TPRG1: variants seen among roughly 807,000 people sequenced by gnomAD.
TPRG1 encodes the protein tumor protein p63 regulated 1.
A neutral mutation model predicts 29.3 loss-of-function variants in TPRG1; 29 were observed. That is an observed-to-expected ratio of 0.99 (90% confidence interval 0.74 to 1.35). The LOEUF is 1.35. Among genes scored for constraint, TPRG1 ranks in the 40% most tolerant of loss-of-function variants. The pLI, the probability that TPRG1 is intolerant of heterozygous loss-of-function variation, is 0.00. For missense variants in TPRG1, 327 were observed against 335.0 expected, an observed-to-expected ratio of 0.98 and a Z score of 0.19; for synonymous variants, 130 against 116.8, an observed-to-expected ratio of 1.11 and a Z score of -0.73.
At chr3:189,023,253 C>A in intron 3 of TPRG1, among the ~76,000 whole-genome samples, 1 of 152,298 alleles carries the variant, frequency 6.6e-6, no homozygotes, top group East Asian at 1.9e-4. Flanking sequence ...GGCTCCTCCC[C>A]GAGCTCTGAG....
rs569930167 is a variant in TPRG1, at chr3:189,053,237, T to A, written c.-463+29291T>A. On this transcript the variant is annotated intron_variant, in intron 4 of 10. Transcript: ENST00000433971. ...TCTTTAAACCTCATGAACCAACTTA[T>A]ACTAGCTTCCAACTTTTCTTCTGCA... Among the ~76,000 whole-genome samples, 37 of 152,314 alleles carry A rather than the reference T, an allele frequency of 2.4e-4. 3 individuals are homozygous for A. The South Asian group carries it at 7.7e-3, about 32-fold the overall frequency.
At chr3:189,175,752 A>T (rs1459383579) in intron 1 of TPRG1, among the ~76,000 whole-genome samples, 2 of 152,252 alleles carry the variant, frequency 1.3e-5, no homozygotes, top group Non-Finnish European at 2.9e-5. Context: ...AAATATTTTT[A>T]AAATATGTTA....
At chr3:189,159,974 C>T (rs980180393) in intron 5 of TPRG1, among the ~76,000 whole-genome samples, 64 of 151,830 alleles carry the variant, frequency 4.2e-4, no homozygotes, top group Non-Finnish European at 2.1e-4. Context: ...CAGAGATTGT[C>T]ACTCTATGAT....
At chr3:189,238,238 G>A (rs1739857635) in intron 3 of TPRG1, among the ~76,000 whole-genome samples, 1 of 152,246 alleles carries the variant, frequency 6.6e-6, no homozygotes, top group Admixed American at 6.5e-5. Context: ...TTGGAAGACA[G>A]CGGACCTGTG....
chr3:189,149,033 C>T (rs1184886100), intron 4 of TPRG1, among the ~76,000 whole-genome samples: 1 of 152,214 alleles, frequency 6.6e-6, no homozygotes, highest in Non-Finnish European at 1.5e-5. Flanking sequence ...CCAGCTTCGT[C>T]CTATCCCTCC....
chr3:189,021,476 C>T (rs1396415458), intron 3 of TPRG1, among the ~76,000 whole-genome samples: 3 of 151,994 alleles, frequency 2.0e-5, no homozygotes, highest in Non-Finnish European at 4.4e-5. Context: ...GATTTTATTT[C>T]TCCTTCACTT....
intron 3 of TPRG1, among the ~76,000 whole-genome samples, chr3:189,010,742 T>C (rs910739102): frequency 1.3e-5 from 2 of 152,200 alleles, no homozygotes; most frequent in Non-Finnish European, 2.9e-5. Flanking sequence ...GTTTACTCTG[T>C]TGACAATTTC....
intron 1 of TPRG1, among the ~76,000 whole-genome samples, chr3:189,104,223 C>G (rs1199683099): frequency 6.6e-6 from 1 of 151,970 alleles, no homozygotes. Context: ...AGAAATTAAC[C>G]TCTTTGAGCC....
At chr3:189,248,442 C>CT (rs1051153826) in intron 4 of TPRG1, among the ~76,000 whole-genome samples, 3 of 151,142 alleles carry the variant, frequency 2.0e-5, no homozygotes, top group South Asian at 2.1e-4. Context: ...CAATAGAATT[C>CT]TTTTTTTTCT....
chr3:189,047,644 G>A (rs1578240486), intron 4 of TPRG1, among the ~76,000 whole-genome samples: 1 of 152,162 alleles, frequency 6.6e-6, no homozygotes, highest in East Asian at 1.9e-4. Context: ...TTTCAAAATT[G>A]GAGTCAATTA....
chr3:189,094,988 A>G (rs1718579719), intron 4 of TPRG1, among the ~76,000 whole-genome samples: 1 of 152,178 alleles, frequency 6.6e-6, no homozygotes, highest in African/African-American at 2.4e-5. Flanking sequence ...GGGGCATCAT[A>G]TCAGTCTTGT....
chr3:189,002,260 G>A (rs1712063170), intron 2 of TPRG1, among the ~76,000 whole-genome samples: 1 of 151,998 alleles, frequency 6.6e-6, no homozygotes, highest in African/African-American at 2.4e-5. Context: ...CTCCTGCTTT[G>A]TCTCCTCCAC....
chr3:189,100,795 A>G (rs576876020), intron 1 of TPRG1, among the ~76,000 whole-genome samples: 2 of 152,208 alleles, frequency 1.3e-5, no homozygotes, highest in Admixed American at 1.3e-4. Flanking sequence ...GGCCCCACCA[A>G]GAGAAATCTG....
intron 1 of TPRG1, among the ~76,000 whole-genome samples, chr3:189,190,368 G>A (rs1731513467): frequency 6.6e-6 from 1 of 152,060 alleles, no homozygotes; most frequent in South Asian, 2.1e-4. Flanking sequence ...GTTTCTATCT[G>A]GTCTCCTTGG....
chr3:189,274,386 G>A (rs1231157392), intron 4 of TPRG1, among the ~76,000 whole-genome samples: 1 of 151,098 alleles, frequency 6.6e-6, no homozygotes, highest in Non-Finnish European at 1.5e-5. Context: ...TGGGAAAAAT[G>A]TAATTGCCGT....
intron 1 of TPRG1, among the ~76,000 whole-genome samples, chr3:189,206,736 A>G (rs923205988): frequency 1.3e-5 from 2 of 151,878 alleles, no homozygotes; most frequent in East Asian, 1.9e-4. Context: ...CCTGAGCACA[A>G]GGGATCTACC....
At chr3:189,020,323 T>C (rs1713225956) in intron 3 of TPRG1, among the ~76,000 whole-genome samples, 1 of 151,816 alleles carries the variant, frequency 6.6e-6, no homozygotes. Context: ...CTTGTGATGT[T>C]AGGGTGTCAA....
intron 2 of TPRG1, among the ~76,000 whole-genome samples, chr3:189,002,925 A>AT (rs1353430007): frequency 1.3e-5 from 2 of 152,126 alleles, no homozygotes; most frequent in African/African-American, 4.8e-5. Context: ...AGAGGTTTGA[A>AT]TGATTTAATA....
intron 1 of TPRG1, among the ~76,000 whole-genome samples, chr3:189,193,680 T>G (rs1732087668): frequency 6.6e-6 from 1 of 151,294 alleles, no homozygotes; most frequent in Non-Finnish European, 1.5e-5. Flanking sequence ...ATTCTTCTGC[T>G]AGATCAAGTC....
Sources: allele counts gnomAD v4.1 joint callset (sites outside exome capture counted in the v4.1 genomes callset), GRCh38; gene constraint gnomAD v4.1.1; transcripts MANE v1.5; gene names NCBI Gene and HGNC (gene_info 2026-07-23, HGNC 2026-07-21).